The following ROBO2 variants were observed in gnomAD, a reference collection of about 807,000 sequenced individuals.
ROBO2 encodes the protein roundabout homolog 2.
A neutral mutation model predicts 160.8 loss-of-function variants in ROBO2; 53 were observed. The observed-to-expected ratio is 0.33, with a 90% CI of 0.26 to 0.41. ROBO2 has a LOEUF of 0.41. Among genes scored for constraint, ROBO2 ranks in the 10% least tolerant of loss-of-function variants. The pLI is 1.00. For missense variants in ROBO2, 1,577 were observed against 1,722.4 expected (o/e 0.92, Z 1.49); for synonymous variants, 664 against 611.7 (o/e 1.09, Z -1.26).
chr3:76,060,697 A>T (rs547249982), intron 2 of ROBO2, among the ~76,000 whole-genome samples: 23 of 152,304 alleles, frequency 1.5e-4, no homozygotes, highest in Non-Finnish European at 2.4e-4. Flanking sequence ...GTTTTTGCTT[A>T]AGGTGTCACA....
chr3:76,913,252 G>C (rs2076100783), intron 2 of ROBO2, among the ~76,000 whole-genome samples: 1 of 152,130 alleles, frequency 6.6e-6, no homozygotes, highest in South Asian at 2.1e-4. Context: ...GGTGGGAGAG[G>C]TCTTTAGGAG....
At chr3:76,985,575 GAAAAAAAAAAAAAAA>G (rs532632866) in intron 2 of ROBO2, among the ~76,000 whole-genome samples, 9 of 26,378 alleles carry the variant, frequency 3.4e-4, no homozygotes, top group East Asian at 2.4e-3. Flanking sequence ...GACTCCGTCT[GAAAAAAAAAAAAAAA>G]AAAAAAAAAA....
At chr3:75,939,930 C>T (rs1265200592) in intron 2 of ROBO2, among the ~76,000 whole-genome samples, 1 of 151,974 alleles carries the variant, frequency 6.6e-6, no homozygotes, top group Non-Finnish European at 1.5e-5. Flanking sequence ...AGTTTACAAT[C>T]TTGCATTAAA....
chr3:77,063,041 C>A (rs1446016551), intron 1 of ROBO2, among the ~76,000 whole-genome samples: 1 of 152,110 alleles, frequency 6.6e-6, no homozygotes, highest in Non-Finnish European at 1.5e-5. Context: ...AATTTACAGG[C>A]AGCTAAGGCC....
At chr3:76,424,731 C>T (rs1007213456) in intron 2 of ROBO2, among the ~76,000 whole-genome samples, 4 of 152,026 alleles carry the variant, frequency 2.6e-5, no homozygotes, top group Non-Finnish European at 2.9e-5. Flanking sequence ...AGTTATGCGT[C>T]GAAAGTGATG....
intron 2 of ROBO2, among the ~76,000 whole-genome samples, chr3:76,431,273 C>T (rs776420158): frequency 2.6e-5 from 4 of 151,982 alleles, no homozygotes; most frequent in Non-Finnish European, 5.9e-5. Context: ...ATATATCCAA[C>T]CCTTAGTAAT....
intron 2 of ROBO2, among the ~76,000 whole-genome samples, chr3:76,485,337 G>T (rs899440362): frequency 1.3e-5 from 2 of 151,922 alleles, no homozygotes; most frequent in Non-Finnish European, 2.9e-5. Context: ...CCACAATAGG[G>T]TTCATGCCCC....
chr3:76,049,016 C>A (rs1380960031), intron 2 of ROBO2, among the ~76,000 whole-genome samples: 1 of 151,956 alleles, frequency 6.6e-6, no homozygotes, highest in Non-Finnish European at 1.5e-5. Context: ...GATGGTACAA[C>A]TATTAATAAA....
At chr3:76,520,455 A>C (rs2081549698) in intron 2 of ROBO2, among the ~76,000 whole-genome samples, 1 of 152,284 alleles carries the variant, frequency 6.6e-6, no homozygotes, top group South Asian at 2.1e-4. Flanking sequence ...CATCTCAAAA[A>C]AAATTTCTAG....
chr3:76,124,871 A>G lies in ROBO2; in HGVS notation c.109+187269A>G, dbSNP rs146380195. 3.4e-3 allele frequency among the ~76,000 whole-genome samples: 511 copies of G among 152,288 alleles called. 6 individuals are homozygous for G. Among genetic ancestry groups the G allele is most frequent in the African/African-American group, 0.012 (490 of 41,578 alleles). ...TTTAAAAATATTTCAACTTTCAGAT[A>G]CAGAGGGTACATATGCAGATTTGTT... On this transcript the variant is annotated intron_variant, in intron 2 of 26. Coordinates refer to the ROBO2 transcript ENST00000487694.
intron 8 of ROBO2, among the ~76,000 whole-genome samples, chr3:77,557,344 G>C (rs995701080): frequency 2.0e-5 from 3 of 151,786 alleles, no homozygotes; most frequent in Non-Finnish European, 4.4e-5. Context: ...TCATCCAAAT[G>C]ATATGACTGT....
intron 2 of ROBO2, among the ~76,000 whole-genome samples, chr3:76,763,573 T>C (rs1576484180): frequency 2.4e-4 from 1 of 4,164 alleles, no homozygotes; most frequent in African/African-American, 1.1e-3. Context: ...TTCCATCATC[T>C]TTTTTTTTAC....
intron 2 of ROBO2, among the ~76,000 whole-genome samples, chr3:77,113,661 G>C (rs997517080): frequency 6.6e-6 from 1 of 152,200 alleles, no homozygotes; most frequent in Non-Finnish European, 1.5e-5. Flanking sequence ...GAGCGGTCTA[G>C]TTAATCATAC....
At chr3:76,767,315 GATAA>G (rs987342271) in intron 2 of ROBO2, among the ~76,000 whole-genome samples, 1 of 151,552 alleles carries the variant, frequency 6.6e-6, no homozygotes, top group African/African-American at 2.4e-5. Context: ...TTCACTTTTA[GATAA>G]ATACTTATAA....
intron 2 of ROBO2, among the ~76,000 whole-genome samples, chr3:76,753,888 T>C (rs985594519): frequency 6.6e-6 from 1 of 151,918 alleles, no homozygotes; most frequent in African/African-American, 2.4e-5. Flanking sequence ...GTGAACATTT[T>C]ATGGCAAAAC....
At chr3:76,970,383 T>C (rs754943768) in intron 2 of ROBO2, among the ~76,000 whole-genome samples, 1 of 152,332 alleles carries the variant, frequency 6.6e-6, no homozygotes, top group East Asian at 1.9e-4. Context: ...GAGATAATTT[T>C]AGCCAGAGTT....
At chr3:76,667,650 T>G (rs974279443) in intron 2 of ROBO2, among the ~76,000 whole-genome samples, 1 of 142,006 alleles carries the variant, frequency 7.0e-6, no homozygotes, top group African/African-American at 2.5e-5. Flanking sequence ...GGCGTACTGT[T>G]TTTGGTAAAT....
chr3:77,040,595 G>T, exon 1 of ROBO2: 2 of 1,444,822 alleles, frequency 1.4e-6, no homozygotes, highest in East Asian at 2.5e-5. Context: ...AATTTGGATG[G>T]ATCTCAGTGT....
intron 2 of ROBO2, among the ~76,000 whole-genome samples, chr3:76,480,368 G>C (rs2079144891): frequency 1.3e-5 from 2 of 152,066 alleles, no homozygotes; most frequent in Admixed American, 1.3e-4. Context: ...GGGTGTCCTT[G>C]GGTTCACTGC....
Sources: gnomAD v4.1 joint callset for allele counts (sites outside exome capture counted in the v4.1 genomes callset) on GRCh38, gnomAD v4.1.1 for gene constraint, MANE v1.5 for transcripts, NCBI Gene and HGNC (gene_info 2026-07-23, HGNC 2026-07-21) for gene names.